C6orf132: variants seen among roughly 807,000 people sequenced by gnomAD.
C6orf132 encodes uncharacterized protein C6orf132.
A neutral mutation model predicts 65.3 loss-of-function variants in C6orf132; 43 were observed. The observed-to-expected ratio is 0.66, with a 90% confidence interval of 0.52 to 0.85. The LOEUF (loss-of-function observed/expected upper bound fraction) is 0.85, where lower values mean the gene tolerates loss of function less well. C6orf132 is among the 40% of genes least tolerant of loss of function. The pLI is 0.00. For missense variants in C6orf132, 1,488 were observed against 1,548.8 expected (o/e 0.96, Z 0.66); for synonymous variants, 631 against 654.1 (o/e 0.96, Z 0.54).
rs983740965 is a variant in C6orf132 at position 42,104,764 on chromosome 6, C to T, written c.3148G>A (p.Gly1050Ser). The change falls in exon 4 of 5, where the codon GGC becomes AGC. Residue 1050 changes from glycine to serine, a missense_variant. Physicochemically the swap from Gly to Ser is moderately conservative, Grantham distance 56. Coordinates refer to ENST00000341865, the MANE Select transcript of C6orf132 (RefSeq NM_001164446.3). The surrounding 1 kb of genome is among the most constrained non-coding windows in gnomAD (Gnocchi z 4.1). ...CCCCCTCCCGAGAAGCGCTCCAGGC[C>T]CCCAGCCCCGGCGTAGCGCGCGCCC... The part of the protein sequence containing the change: ...PAGARYAGAG[G>S]LERFSGGGRS... 1.1e-5 allele frequency: 16 copies of T among 1,514,484 alleles called. No homozygotes were observed. The highest frequency in any genetic ancestry group is 2.2e-5 in the Admixed American group (1 of 45,868). The allele number at this position is 1,514,484 out of a possible 1,614,324, so 93.8% of individuals were successfully genotyped here.
chr6:42,120,122 C>T (rs141419979), intron 2 of C6orf132, among the ~76,000 whole-genome samples: 1 of 151,906 alleles, frequency 6.6e-6, no homozygotes, highest in Non-Finnish European at 1.5e-5. Flanking sequence ...CAAAAAAAAC[C>T]CATCATCACA....
chr6:42,123,697 C>T (rs1202994091), intron 2 of C6orf132, among the ~76,000 whole-genome samples: 1 of 152,172 alleles, frequency 6.6e-6, no homozygotes, highest in Non-Finnish European at 1.5e-5. Flanking sequence ...CCTCACTCAG[C>T]CAGGCCTCCG....
intron 1 of C6orf132, among the ~76,000 whole-genome samples, chr6:42,131,973 C>T (rs972385865): frequency 2.0e-5 from 3 of 152,048 alleles, no homozygotes; most frequent in Non-Finnish European, 4.4e-5. Flanking sequence ...GAGAGGGAAA[C>T]GTGATACGGG....
In C6orf132 at chr6:42,105,892, T is replaced by C; in HGVS notation, c.2020A>G (p.Lys674Glu). Residue 674 changes from lysine (K) to glutamate (E), a missense_variant, in exon 4 of 5, where the codon AAG becomes GAG. Physicochemically the swap from Lys to Glu is moderately conservative, Grantham distance 56. Transcript: ENST00000341865. Reference protein sequence around the residue: ...KATLGPATPLKATSGPTTPLK... With the variant: ...KATLGPATPLEATSGPTTPLK... Reference sequence around the variant, plus strand: ...GGTGTGGTTGGCCCAGATGTGGCCTTGAGTGGTGTGGCTGGCCCAAGTGTG... The same window carrying C: ...GGTGTGGTTGGCCCAGATGTGGCCTCGAGTGGTGTGGCTGGCCCAAGTGTG... 1 of 1,537,194 alleles carries C rather than the reference T, an allele frequency of 6.5e-7. No homozygotes were observed. The highest frequency in any genetic ancestry group is 8.7e-7 in the Non-Finnish European group (1 of 1,146,884).
chr6:42,105,134 G>GCCCT lies in C6orf132; in HGVS notation c.2774_2777dup (p.Thr927GlyfsTer70), dbSNP rs1370597748. ...AGTTGTGCCTGCGGCTCAGCTCTGT[G>GCCCT]CCCTCTGCGTCTCTTCCCAGCCGCG... On this transcript the variant is annotated frameshift_variant, in exon 4 of 5. Coordinates refer to ENST00000341865, the MANE Select transcript of C6orf132 (RefSeq NM_001164446.3). LOFTEE classifies it high-confidence loss of function. 24 of 1,536,966 alleles carry GCCCT rather than the reference G, an allele frequency of 1.6e-5. No individual in the cohort carries two copies. Among genetic ancestry groups the GCCCT allele is most frequent in the African/African-American group, 2.7e-5 (2 of 73,120 alleles).
At chr6:42,118,506 G>A (rs1004957563) in intron 2 of C6orf132, among the ~76,000 whole-genome samples, 1 of 152,226 alleles carries the variant, frequency 6.6e-6, no homozygotes, top group Admixed American at 6.5e-5. Context: ...ACATTCTCAG[G>A]GGAGTGGAGT....
intron 2 of C6orf132, among the ~76,000 whole-genome samples, chr6:42,115,745 A>C (rs1005329899): frequency 2.0e-5 from 3 of 152,068 alleles, no homozygotes; most frequent in Non-Finnish European, 4.4e-5. Flanking sequence ...GAAGACAAGA[A>C]ATCAAAAGAA....
chr6:42,105,452 A>T lies in C6orf132; in HGVS notation c.2460T>A (p.Thr820=), dbSNP rs928473391. ...PAKPPASAQP[T]DELLRHPVTG... ...TCACCGGGTGCCTGAGGAGTTCATC[A>T]GTGGGCTGGGCCGAGGCAGGAGGCT... The change falls in exon 4 of 5, where the codon ACT becomes ACA. Residue 820 remains threonine (T), a synonymous_variant. Coordinates refer to ENST00000341865, the MANE Select transcript of C6orf132 (RefSeq NM_001164446.3). The T allele has an allele frequency of 3.9e-6, 6 of 1,534,704 alleles. No individual in the cohort carries two copies. The highest frequency in any genetic ancestry group is 5.2e-6 in the Non-Finnish European group (6 of 1,145,770).
At chr6:42,137,496 C>T (rs75899170) in intron 1 of C6orf132, among the ~76,000 whole-genome samples, 6,076 of 152,046 alleles carry the variant, frequency 0.04, 169 homozygotes, top group South Asian at 0.097. Flanking sequence ...ACTCTTTAGC[C>T]GGGCCTGAAA....
Position 42,106,719 on chromosome 6 carries a change from G to T in C6orf132, c.1193C>A (p.Pro398His). 2 of 1,467,958 alleles carry T rather than the reference G, an allele frequency of 1.4e-6. No individual in the cohort carries two copies. Among genetic ancestry groups the T allele is most frequent in the African/African-American group, 1.4e-5 (1 of 70,340 alleles). 90.9% of individuals were successfully genotyped at this position (1,467,958 alleles called of 1,614,324 possible). A position where few individuals can be genotyped will look rare whatever the true frequency, so the allele number is the denominator to read the frequency against. Residue 398 changes from proline to histidine, a missense_variant, in exon 4 of 5, where the codon CCT (proline) becomes CAT (histidine). Pro to His is a moderately conservative substitution (Grantham distance 77). Transcript: ENST00000341865. ...GTPPPAPPLP[P>H]PAPPLPPPAP... is the part of the protein sequence containing the mutation. ...TGGGGGAGGGAGGGGGGGTGCAGGA[G>T]GGGGCAGGGGAGGGGCTGGAGGCGG...
At position 42,107,283 on chromosome 6, in the gene C6orf132, G is replaced by A. The variant is rs1213959533; in HGVS notation, c.629C>T (p.Thr210Ile). 3.0e-6 allele frequency: 4 copies of A among 1,343,738 alleles called. No individual in the cohort carries two copies. The highest frequency in any genetic ancestry group is 3.9e-6 in the Non-Finnish European group (4 of 1,026,880). The allele number at this position is 1,343,738 out of a possible 1,614,324, so 83.2% of individuals were successfully genotyped here. A position where few individuals can be genotyped will look rare whatever the true frequency, so the allele number is the denominator to read the frequency against. ...PHTLSSPSIP[T>I]PPDFIPPAPP... ...GGCAGGGGGAATGAAGTCAGGAGGG[G>A]TGGGTATGGATGGGGAGGAAAGAGT... The change falls in exon 4 of 5, where the codon ACC (threonine) becomes ATC (isoleucine). Residue 210 changes from threonine (T) to isoleucine (I), a missense_variant. Thr to Ile is a moderately conservative substitution (Grantham distance 89). Transcript: ENST00000341865.
At position 42,104,977 on chromosome 6, in the gene C6orf132, C is replaced by G; in HGVS notation, c.2935G>C (p.Glu979Gln). The G allele has an allele frequency of 4.0e-6, 5 of 1,241,002 alleles. No homozygotes were observed. The highest frequency in any genetic ancestry group is 4.4e-6 in the Non-Finnish European group (4 of 905,824). The allele number at this position is 1,241,002 out of a possible 1,614,324, so 76.9% of individuals were successfully genotyped here. The change falls in exon 4 of 5, where the codon GAG becomes CAG. Residue 979 changes from glutamate (E) to glutamine (Q), a missense_variant. Physicochemically the swap from Glu to Gln is conservative, Grantham distance 29 (BLOSUM62 2). Transcript: ENST00000341865. The surrounding 1 kb of genome is among the most constrained non-coding windows in gnomAD (Gnocchi z 4.1). Reference protein sequence around the residue: ...SPSNKREEEEEEFNFEVIPPP... With the variant: ...SPSNKREEEEQEFNFEVIPPP... ...GGGATGACCTCGAAGTTGAACTCCTCCTCCTCCTCCTCCCTCTTGTTCGAA... is the reference window on the plus strand; with the variant it reads ...GGGATGACCTCGAAGTTGAACTCCTGCTCCTCCTCCTCCCTCTTGTTCGAA...
intron 2 of C6orf132, among the ~76,000 whole-genome samples, chr6:42,120,241 A>G (rs1766658477): frequency 6.7e-6 from 1 of 149,156 alleles, no homozygotes. Context: ...CTTTATTGCG[A>G]GGTTCTTTTT....
intron 1 of C6orf132, among the ~76,000 whole-genome samples, chr6:42,140,617 A>G (rs1399401621): frequency 1.3e-5 from 2 of 152,224 alleles, no homozygotes; most frequent in African/African-American, 4.8e-5. Flanking sequence ...AACTCTGTGT[A>G]AATGGTCTAC....
intron 2 of C6orf132, among the ~76,000 whole-genome samples, chr6:42,111,845 AAC>A (rs1247153145): frequency 6.6e-6 from 1 of 151,992 alleles, no homozygotes; most frequent in Non-Finnish European, 1.5e-5. Context: ...TTTTTTTCCA[AAC>A]ACACATTTCC....
In C6orf132 at chr6:42,105,487, G is replaced by T; in HGVS notation, c.2425C>A (p.Leu809Met). The T allele has an allele frequency of 6.5e-7, 1 of 1,533,432 alleles. No individual in the cohort carries two copies. Among genetic ancestry groups the T allele is most frequent in the Non-Finnish European group, 8.7e-7 (1 of 1,144,966 alleles). 95.0% of individuals were successfully genotyped at this position (1,533,432 alleles called of 1,614,324 possible). Residue 809 changes from leucine to methionine, a missense_variant, in exon 4 of 5, where the codon CTG (leucine) becomes ATG (methionine). By Grantham distance (15) the Leu-to-Met change is conservative. Transcript: ENST00000341865. The stretch of plus-strand genomic sequence containing the variant: ...GCCGAGGCAGGAGGCTTGGCTGGCA[G>T]CCCTGGGGGCTCCTTCACCTCCACG... ...EPVEVKEPPG[L>M]PAKPPASAQP... is the part of the protein sequence containing the mutation.
chr6:42,138,877 A>ACACACACT (rs1158043144), intron 1 of C6orf132, among the ~76,000 whole-genome samples: 1 of 151,736 alleles, frequency 6.6e-6, no homozygotes, highest in African/African-American at 2.4e-5. Flanking sequence ...ACACACACAC[A>ACACACACT]CACACTCGTG....
intron 1 of C6orf132, among the ~76,000 whole-genome samples, chr6:42,129,056 C>T (rs550798461): frequency 4.6e-5 from 7 of 152,360 alleles, no homozygotes; most frequent in East Asian, 1.9e-4. Flanking sequence ...CACGCTGTAC[C>T]GTCCTGAGCC....
Position 42,102,200 on chromosome 6 carries a change from A to G in C6orf132, c.*1561T>C, listed in dbSNP as rs1351357842. 6.8e-6 allele frequency: 1 copy of G among 147,444 alleles called. No individual in the cohort carries two copies. The highest frequency in any genetic ancestry group is 2.0e-4 in the East Asian group (1 of 5,046). 9.1% of individuals were successfully genotyped at this position (147,444 alleles called of 1,614,324 possible). On this transcript the variant is annotated 3_prime_UTR_variant, in exon 5 of 5. Transcript: ENST00000341865. ...CAGGCAAAGGACACGTGGTCACCCT[A>G]CTGATAGGTCTCCCCTGCTCCTTTT...
Sources: allele counts gnomAD v4.1 joint callset (sites outside exome capture counted in the v4.1 genomes callset), GRCh38; gene constraint gnomAD v4.1.1; non-coding constraint Gnocchi (gnomAD v3.1); transcripts MANE v1.5; gene names NCBI Gene and HGNC (gene_info 2026-07-23, HGNC 2026-07-21).